The following HIVEP2 variants were observed in gnomAD, a reference collection of about 807,000 sequenced individuals.
HIVEP2 encodes HIVEP zinc finger 2, also known as transcription factor HIVEP2.
A neutral mutation model predicts 180.7 loss-of-function variants in HIVEP2; 14 were observed. That is an observed-to-expected ratio of 0.08 (90% CI 0.05 to 0.12). The LOEUF (loss-of-function observed/expected upper bound fraction) is 0.12. Ranked by LOEUF, HIVEP2 falls within the 10% of genes least tolerant of loss-of-function variation. HIVEP2 has a pLI of 1.00. For synonymous variants in HIVEP2, 1,184 were observed against 1,136.4 expected (o/e 1.04, Z -0.84); for missense variants, 2,579 against 3,008.5 (o/e 0.86, Z 3.34).
At chr6:142,874,593 G>T (rs773258534) in intron 1 of HIVEP2, among the ~76,000 whole-genome samples, 1 of 152,052 alleles carries the variant, frequency 6.6e-6, no homozygotes, top group African/African-American at 2.4e-5. Flanking sequence ...AACTAGGACA[G>T]GAAAGACATG....
intron 7 of HIVEP2, among the ~76,000 whole-genome samples, chr6:142,762,686 GCA>G: frequency 6.6e-6 from 1 of 152,158 alleles, no homozygotes; most frequent in Non-Finnish European, 1.5e-5. Context: ...CAGCCTGCTA[GCA>G]CAGTTTATTC....
At chr6:142,937,797 G>T (rs1358129300) in intron 1 of HIVEP2, among the ~76,000 whole-genome samples, 2 of 152,198 alleles carry the variant, frequency 1.3e-5, no homozygotes, top group Non-Finnish European at 2.9e-5. Context: ...TTTCCGAATG[G>T]AAGTTTCTTT....
chr6:142,759,557 C>T (rs1325306066), intron 9 of HIVEP2, among the ~76,000 whole-genome samples: 1 of 152,230 alleles, frequency 6.6e-6, no homozygotes, highest in Non-Finnish European at 1.5e-5. Flanking sequence ...TGGGAATGCA[C>T]TGCTGCTCTG....
At chr6:142,865,592 A>G (rs1348919403) in intron 1 of HIVEP2, among the ~76,000 whole-genome samples, 1 of 152,174 alleles carries the variant, frequency 6.6e-6, no homozygotes, top group Non-Finnish European at 1.5e-5. Context: ...GATTGACTTC[A>G]GGCATACTAT....
At chr6:142,780,431 G>A (rs903802023) in intron 3 of HIVEP2, among the ~76,000 whole-genome samples, 23 of 152,308 alleles carry the variant, frequency 1.5e-4, no homozygotes, top group African/African-American at 5.3e-4. Flanking sequence ...ACATGTTTGA[G>A]GATGTCTTTT....
intron 1 of HIVEP2, among the ~76,000 whole-genome samples, chr6:142,940,713 A>G (rs1450866616): frequency 1.3e-5 from 2 of 152,222 alleles, no homozygotes; most frequent in African/African-American, 4.8e-5. Context: ...TACAGGAAAT[A>G]CTTGTTGAAT....
At chr6:142,846,818 A>C (rs914377386) in intron 1 of HIVEP2, among the ~76,000 whole-genome samples, 1 of 152,200 alleles carries the variant, frequency 6.6e-6, no homozygotes, top group African/African-American at 2.4e-5. Context: ...GGAAAAAAAA[A>C]CCTGTAAGAG....
intron 1 of HIVEP2, among the ~76,000 whole-genome samples, chr6:142,903,546 A>C (rs927963513): frequency 6.6e-6 from 1 of 152,262 alleles, no homozygotes; most frequent in Non-Finnish European, 1.5e-5. Flanking sequence ...TAACTATGTT[A>C]TAATACTAAT....
chr6:142,776,077 C>G (rs1775690189), intron 4 of HIVEP2, 70 bp downstream of exon 4: 1 of 152,328 alleles, frequency 6.6e-6, no homozygotes, highest in Non-Finnish European at 1.5e-5. Flanking sequence ...CTAAACAAAA[C>G]AATTATAAAG....
intron 1 of HIVEP2, among the ~76,000 whole-genome samples, chr6:142,922,791 A>G (rs1157596297): frequency 1.3e-5 from 2 of 152,188 alleles, no homozygotes; most frequent in Admixed American, 6.5e-5. Flanking sequence ...GAATTATGAC[A>G]TGTACATCCC....
At position 142,770,145 on chromosome 6, in the gene HIVEP2, A is replaced by C; in HGVS notation, c.4594T>G (p.Ser1532Ala). The C allele has an allele frequency of 6.2e-7, 1 of 1,614,220 alleles. No individual in the cohort carries two copies. The highest frequency in any genetic ancestry group is 8.5e-7 in the Non-Finnish European group (1 of 1,180,036). Residue 1532 changes from serine to alanine, a missense_variant, in exon 5 of 10, where the codon TCT becomes GCT. Transcript: ENST00000367603. The surrounding 1 kb of genome is among the most constrained non-coding windows in gnomAD (Gnocchi z 4.7). ...SSQDYPSVSPSSREPFLPSKE... is the reference protein window; with the variant it reads ...SSQDYPSVSPASREPFLPSKE... ...CTGGGCAGGAATGGCTCCCTGGAAG[A>C]CGGGCTAACAGAAGGATAGTCTTGA...
intron 1 of HIVEP2, among the ~76,000 whole-genome samples, chr6:142,896,718 T>C (rs928628682): frequency 1.3e-5 from 2 of 152,230 alleles, no homozygotes; most frequent in Non-Finnish European, 2.9e-5. Context: ...CCCATAAACT[T>C]AGTAGTATAC....
intron 2 of HIVEP2, among the ~76,000 whole-genome samples, chr6:142,787,209 T>C (rs1387009861): frequency 6.6e-6 from 1 of 151,790 alleles, no homozygotes; most frequent in Non-Finnish European, 1.5e-5. Context: ...TGAGCTATAA[T>C]TGCACCAGTC....
intron 1 of HIVEP2, among the ~76,000 whole-genome samples, chr6:142,846,536 T>A (rs1416167274): frequency 6.6e-6 from 1 of 152,198 alleles, no homozygotes; most frequent in African/African-American, 2.4e-5. Context: ...CAATTCTGTT[T>A]AATTAGAGTA....
In HIVEP2 at chr6:142,759,819, A is replaced by T; in HGVS notation, c.6469T>A (p.Ser2157Thr). The T allele has an allele frequency of 6.2e-7, 1 of 1,613,214 alleles. No individual in the cohort carries two copies. The highest frequency in any genetic ancestry group is 1.3e-5 in the African/African-American group (1 of 74,962). ...TCTGCTTGCAAATACTGTCCCATGG[A>T]CAATGGTGGGTTATGGTATAAAGCC... is the stretch of plus-strand genomic sequence containing the variant. ...RRALYHNPPL[S>T]MGQYLQAEPI... The change falls in exon 9 of 10, where the codon TCC becomes ACC. Residue 2157 changes from serine to threonine, a missense_variant. By Grantham distance (58) the Ser-to-Thr change is moderately conservative. This residue lies in a region of HIVEP2 where 660 missense variants were observed against 731.7 expected (regional missense o/e 0.90). Coordinates refer to ENST00000367603, the MANE Select transcript of HIVEP2 (RefSeq NM_006734.4).
chr6:142,809,596 T>TTTGTTTG (rs1554212655), intron 2 of HIVEP2, among the ~76,000 whole-genome samples: 3 of 151,860 alleles, frequency 2.0e-5, no homozygotes. Context: ...TGTTTGTTTG[T>TTTGTTTG]TTGTTTGTTT....
At chr6:142,890,975 T>C (rs920276071) in intron 1 of HIVEP2, among the ~76,000 whole-genome samples, 4 of 152,198 alleles carry the variant, frequency 2.6e-5, no homozygotes, top group African/African-American at 7.2e-5. Flanking sequence ...ATCAAGGTCA[T>C]AGAATGCTGA....
chr6:142,900,460 T>C (rs987640354), intron 1 of HIVEP2, among the ~76,000 whole-genome samples: 1 of 152,182 alleles, frequency 6.6e-6, no homozygotes, highest in African/African-American at 2.4e-5. Context: ...CTACCGAAAG[T>C]ACTCCTTGCA....
At chr6:142,859,549 T>A (rs1048494016) in intron 1 of HIVEP2, among the ~76,000 whole-genome samples, 6 of 150,734 alleles carry the variant, frequency 4.0e-5, no homozygotes, top group African/African-American at 1.5e-4. Flanking sequence ...AAACGATAAA[T>A]GAGGCAGGAC....
Sources: gnomAD v4.1 joint callset for allele counts (sites outside exome capture counted in the v4.1 genomes callset) on GRCh38, gnomAD v4.1.1 for gene constraint, gnomAD v4.1.1 regional missense constraint, Gnocchi (gnomAD v3.1) non-coding constraint, MANE v1.5 for transcripts, NCBI Gene and HGNC (gene_info 2026-07-23, HGNC 2026-07-21) for gene names.